The following HERC1 variants were observed in gnomAD, a reference collection of about 807,000 sequenced individuals.
HERC1 encodes the protein probable E3 ubiquitin-protein ligase HERC1.
A neutral mutation model predicts 554.3 loss-of-function variants in HERC1; 160 were observed. The observed-to-expected ratio is 0.29, with a 90% CI of 0.25 to 0.33. The LOEUF (loss-of-function observed/expected upper bound fraction) is 0.33. HERC1 is among the 10% of genes least tolerant of loss of function. HERC1 has a pLI of 1.00. For synonymous variants in HERC1, 2,175 were observed against 2,131.7 expected (o/e 1.02, Z -0.56); for missense variants, 4,919 against 5,918.5 (o/e 0.83, Z 5.54).
At chr15:63,661,083 G>A in intron 45 of HERC1, 58 bp from the exon 46 acceptor site, 3 of 1,211,530 alleles carry the variant, frequency 2.5e-6, no homozygotes, top group Non-Finnish European at 2.4e-6. Flanking sequence ...ACCCCAAGAT[G>A]CAAATTAAGT....
chr15:63,656,194 T>C lies in HERC1; in HGVS notation c.9764A>G (p.Lys3255Arg). ...CAGGCAAGAGATAGGCTTGTTAGCCTTGCTATGCCCACCTCGTGATCGTTC... is the reference window on the plus strand; with the variant it reads ...CAGGCAAGAGATAGGCTTGTTAGCCCTGCTATGCCCACCTCGTGATCGTTC... The part of the protein sequence containing the change: ...TSERSRGGHS[K>R]ANKPISCLAY... The change falls in exon 49 of 78, where the codon AAG becomes AGG. Residue 3255 changes from lysine to arginine, a missense_variant. Lys to Arg is a conservative substitution (Grantham distance 26). Around this residue, in one of 11 missense-constraint regions of HERC1, gnomAD observed 1,963 missense variants for 2,228.6 expected, o/e 0.88. Coordinates refer to ENST00000443617, the MANE Select transcript of HERC1 (RefSeq NM_003922.4). 6.2e-7 allele frequency: 1 copy of C among 1,612,844 alleles called. No homozygotes were observed. The highest frequency in any genetic ancestry group is 8.5e-7 in the Non-Finnish European group (1 of 1,179,408).
chr15:63,630,528 G>A lies in HERC1; in HGVS notation c.12904C>T (p.His4302Tyr). 1 of 1,614,006 alleles carries A rather than the reference G, an allele frequency of 6.2e-7. No homozygotes were observed. The highest frequency in any genetic ancestry group is 8.5e-7 in the Non-Finnish European group (1 of 1,179,886). Residue 4302 changes from histidine to tyrosine, a missense_variant, in exon 69 of 78, where the codon CAC becomes TAC. Physicochemically the swap from His to Tyr is moderately conservative, Grantham distance 83. Transcript: ENST00000443617. Reference protein sequence around the residue: ...IIEDVAVGAEHTLALASNGDV... With the variant: ...IIEDVAVGAEYTLALASNGDV... ...CCATTTGATGCCAAAGCAAGTGTGTGTTCAGCTCCAACTGCCACATCTTCT... is the reference window on the plus strand; with the variant it reads ...CCATTTGATGCCAAAGCAAGTGTGTATTCAGCTCCAACTGCCACATCTTCT...
intron 1 of HERC1, 123 bp downstream of exon 1, chr15:63,833,704 A>C: frequency 1.3e-5 from 2 of 150,242 alleles, no homozygotes; most frequent in Non-Finnish European, 2.9e-5. Flanking sequence ...GCAGTCCCGA[A>C]ACGGCCCCGG....
intron 19 of HERC1, among the ~76,000 whole-genome samples, chr15:63,720,834 T>G (rs550972198): frequency 1.5e-4 from 23 of 152,256 alleles, no homozygotes; most frequent in Non-Finnish European, 2.9e-4. Context: ...CTCTTTGTTG[T>G]GTTTTAAATT....
chr15:63,752,942 C>CA lies in HERC1; in HGVS notation c.1902+15dup. The CA allele has an allele frequency of 6.2e-7, 1 of 1,610,538 alleles. No individual in the cohort carries two copies. The highest frequency in any genetic ancestry group is 8.5e-7 in the Non-Finnish European group (1 of 1,178,118). On this transcript the variant is annotated intron_variant, in intron 8 of 77. Transcript: ENST00000443617. ...TGAAATACTCTAAGTCTTTTATACT[C>CA]ATCCCTTAGTCCTACCTGCCCTGTT...
intron 1 of HERC1, among the ~76,000 whole-genome samples, chr15:63,794,726 G>C (rs1187903624): frequency 6.6e-6 from 1 of 151,990 alleles, no homozygotes; most frequent in East Asian, 1.9e-4. Context: ...TTTCATCTTA[G>C]AACAGCTAAG....
intron 54 of HERC1, among the ~76,000 whole-genome samples, chr15:63,648,767 G>C (rs1001601064): frequency 5.9e-5 from 9 of 152,192 alleles, no homozygotes; most frequent in African/African-American, 2.2e-4. Flanking sequence ...ACAGGAGAAA[G>C]ACTTTTCACT....
intron 25 of HERC1, among the ~76,000 whole-genome samples, chr15:63,700,708 CAA>C (rs11314964): frequency 0.055 from 3,561 of 64,512 alleles, 80 homozygotes; most frequent in African/African-American, 0.16. Context: ...GACCCTGCCT[CAA>C]AAAAAAAAAA....
At chr15:63,689,351 G>T (rs2071972135) in intron 33 of HERC1, among the ~76,000 whole-genome samples, 1 of 152,166 alleles carries the variant, frequency 6.6e-6, no homozygotes, top group Non-Finnish European at 1.5e-5. Flanking sequence ...AGTACTACAG[G>T]ACAAGAGAGA....
At chr15:63,821,234 C>T (rs1010282431) in intron 1 of HERC1, among the ~76,000 whole-genome samples, 5 of 152,000 alleles carry the variant, frequency 3.3e-5, no homozygotes, top group Admixed American at 6.6e-5. Flanking sequence ...CCAGCCTAGG[C>T]AACAGAGTGA....
At chr15:63,619,639 G>T (rs1242794532) in intron 74 of HERC1, among the ~76,000 whole-genome samples, 3 of 152,110 alleles carry the variant, frequency 2.0e-5, no homozygotes, top group African/African-American at 7.2e-5. Flanking sequence ...ACTTTTTTTG[G>T]TTGGTAAGCT....
chr15:63,670,329 G>A (rs2070844751), intron 39 of HERC1, among the ~76,000 whole-genome samples: 1 of 152,212 alleles, frequency 6.6e-6, no homozygotes, highest in Admixed American at 6.5e-5. Flanking sequence ...CCCCTCTTCA[G>A]TTGAGAAATG....
chr15:63,743,977 A>G (rs1034333164), intron 12 of HERC1, among the ~76,000 whole-genome samples: 2 of 126,294 alleles, frequency 1.6e-5, no homozygotes, highest in African/African-American at 5.9e-5. Context: ...TTATGATCTA[A>G]ACTGTATCTA....
chr15:63,663,329 C>T (rs2070450463), intron 43 of HERC1, 125 bp from the exon 44 acceptor site: 1 of 745,760 alleles, frequency 1.3e-6, no homozygotes, highest in Non-Finnish European at 2.2e-6. Context: ...GATCTCAGAC[C>T]ATAAAACATC....
chr15:63,745,598 C>T (rs1335136350), intron 12 of HERC1, among the ~76,000 whole-genome samples: 2 of 152,218 alleles, frequency 1.3e-5, no homozygotes, highest in Non-Finnish European at 2.9e-5. Context: ...CACCCAGAGA[C>T]ACTCTCTGCA....
chr15:63,787,960 C>CAA (rs375499946), intron 1 of HERC1, among the ~76,000 whole-genome samples: 1,301 of 43,666 alleles, frequency 0.03, 22 homozygotes, highest in Middle Eastern at 0.036. Flanking sequence ...GACCCTGTCT[C>CAA]AAAAAAAAAA....
At chr15:63,620,565 C>T (rs1316935559) in intron 74 of HERC1, among the ~76,000 whole-genome samples, 5 of 152,160 alleles carry the variant, frequency 3.3e-5, no homozygotes, top group South Asian at 2.1e-4. Context: ...CTTTCTATCT[C>T]GTTGATCTGT....
At chr15:63,792,650 A>C (rs2076686304) in intron 1 of HERC1, among the ~76,000 whole-genome samples, 1 of 152,210 alleles carries the variant, frequency 6.6e-6, no homozygotes, top group Admixed American at 6.5e-5. Flanking sequence ...GAAAGAACTC[A>C]GTTTCTTCCT....
In HERC1 at chr15:63,612,698, G is replaced by A. The variant is rs546065201; in HGVS notation, c.14095-142C>T. On this transcript the variant is annotated intron_variant, in intron 76 of 77. Transcript: ENST00000443617. The surrounding 1 kb of genome is among the most constrained non-coding windows in gnomAD (Gnocchi z 5.0). ...TTGTTTCTCAGACCGCCAGGCACGAGAGTCAGTCAAAAAGGCCCACCCTCC... is the reference window on the plus strand; with the variant it reads ...TTGTTTCTCAGACCGCCAGGCACGAAAGTCAGTCAAAAAGGCCCACCCTCC... 1.3e-6 allele frequency: 1 copy of A among 761,372 alleles called. No individual in the cohort carries two copies. The highest frequency in any genetic ancestry group is 2.1e-6 in the Non-Finnish European group (1 of 486,360). The allele number at this position is 761,372 out of a possible 1,614,324, so 47.2% of individuals were successfully genotyped here.
Sources: allele counts gnomAD v4.1 joint callset (sites outside exome capture counted in the v4.1 genomes callset), GRCh38; gene constraint gnomAD v4.1.1; regional missense constraint gnomAD v4.1.1; non-coding constraint Gnocchi (gnomAD v3.1); transcripts MANE v1.5; gene names NCBI Gene and HGNC (gene_info 2026-07-23, HGNC 2026-07-21).